Variants in RACGAP1 observed in about 807,000 individuals in gnomAD.
The protein encoded by RACGAP1 is rac GTPase-activating protein 1.
RACGAP1 carries 30 observed loss-of-function variants against 78.1 expected under a neutral mutation model. The observed-to-expected ratio is 0.38, with a 90% confidence interval of 0.29 to 0.52. The LOEUF (loss-of-function observed/expected upper bound fraction) is 0.52. Among genes scored for constraint, RACGAP1 ranks in the 20% least tolerant of loss-of-function variants. The pLI, the probability that RACGAP1 is intolerant of heterozygous loss-of-function variation, is 0.82. For missense variants in RACGAP1, 587 were observed against 777.1 expected (o/e 0.76, Z 2.91); for synonymous variants, 231 against 264.8 (o/e 0.87, Z 1.24).
chr12:49,993,725 C>T (rs370007871), intron 12 of RACGAP1, among the ~76,000 whole-genome samples: 5 of 135,680 alleles, frequency 3.7e-5, no homozygotes, highest in Non-Finnish European at 6.2e-5. Context: ...CCAGCCTGGG[C>T]GACAGAGAAA....
chr12:50,029,675 C>T (rs569510368), upstream of RACGAP1, among the ~76,000 whole-genome samples: 26 of 152,218 alleles, frequency 1.7e-4, no homozygotes, highest in African/African-American at 6.0e-4. Flanking sequence ...GGGCAGATCA[C>T]GAGGTCAGGA....
chr12:50,018,629 A>AT (rs1949815281), intron 1 of RACGAP1: 12 of 1,123,036 alleles, frequency 1.1e-5, no homozygotes, highest in Non-Finnish European at 1.4e-5. Context: ...TAGTTTTAAT[A>AT]TAAGGTATTA....
chr12:50,014,700 G>A (rs976182709), intron 2 of RACGAP1, among the ~76,000 whole-genome samples: 6 of 151,954 alleles, frequency 3.9e-5, no homozygotes, highest in Non-Finnish European at 7.4e-5. Flanking sequence ...GGGATCACAG[G>A]AGCATGCCAC....
At chr12:49,993,848 A>T (rs1233543654) in intron 12 of RACGAP1, among the ~76,000 whole-genome samples, 1 of 151,766 alleles carries the variant, frequency 6.6e-6, no homozygotes, top group Non-Finnish European at 1.5e-5. Flanking sequence ...GATCGAGACC[A>T]TCCTGGCTAA....
Position 49,990,009 on chromosome 12 carries a change from T to C in RACGAP1, c.*259A>G. On this transcript the variant is annotated 3_prime_UTR_variant, in exon 17 of 17. Transcript: ENST00000312377. ...AAAAGAATCACAACCAATTCCATAC[T>C]AACCCTTCTACCCCTGGAAAGATGT... is the stretch of plus-strand genomic sequence containing the variant. 1 of 391,756 alleles carries C rather than the reference T, an allele frequency of 2.6e-6. No individual in the cohort carries two copies. 24.3% of individuals were successfully genotyped at this position (391,756 alleles called of 1,614,324 possible).
Position 49,997,040 on chromosome 12 carries a change from C to A in RACGAP1, c.1044G>T (p.Glu348Asp). The change falls in exon 10 of 17, where the codon GAG becomes GAT. Residue 348 changes from glutamate to aspartate, a missense_variant and splice_region_variant. Physicochemically the swap from Glu to Asp is conservative, Grantham distance 45 (BLOSUM62 2). Transcript: ENST00000312377. ...CAATGACGGCTTGCATAAGTCATAC[C>A]TCTCCAATCTTGACAGGTGTTCCTA... ...TLIGTPVKIG[E>D]GMLADFVSQT... 6.6e-7 allele frequency: 1 copy of A among 1,517,462 alleles called. No individual in the cohort carries two copies. The allele number at this position is 1,517,462 out of a possible 1,614,324, so 94.0% of individuals were successfully genotyped here.
chr12:50,007,939 T>C (rs1403249256), intron 2 of RACGAP1, among the ~76,000 whole-genome samples: 1 of 150,894 alleles, frequency 6.6e-6, no homozygotes, highest in Non-Finnish European at 1.5e-5. Flanking sequence ...AAAACATATA[T>C]GTTTGCAAAC....
upstream of RACGAP1, among the ~76,000 whole-genome samples, chr12:50,027,987 A>G (rs1035625004): frequency 9.9e-5 from 15 of 152,166 alleles, no homozygotes; most frequent in Non-Finnish European, 1.5e-4. Flanking sequence ...GAGACTGGCA[A>G]AGTAGGATGA....
At chr12:50,019,157 C>T (rs925136254) in intron 1 of RACGAP1, among the ~76,000 whole-genome samples, 1 of 152,130 alleles carries the variant, frequency 6.6e-6, no homozygotes, top group African/African-American at 2.4e-5. Flanking sequence ...CTTGTGTACT[C>T]TTCTCTCATG....
chr12:50,016,750 C>T lies in RACGAP1; in HGVS notation c.-4-31G>A, dbSNP rs2291612. 0.08 allele frequency: 128,330 copies of T among 1,602,148 alleles called. 6,010 individuals carry two copies. Among genetic ancestry groups the T allele is most frequent in the South Asian group, 0.16 (14,377 of 90,314 alleles). On this transcript the variant is annotated intron_variant, in intron 1 of 16. Coordinates refer to ENST00000312377, the MANE Select transcript of RACGAP1 (RefSeq NM_001319999.2). Reference sequence around the variant, plus strand: ...AAGAAATCAAATATACATTAGGGGTCCTGCCTTCTCGCCCACAACAAAAGA... The same window carrying T: ...AAGAAATCAAATATACATTAGGGGTTCTGCCTTCTCGCCCACAACAAAAGA...
At position 49,989,453 on chromosome 12, in the gene RACGAP1, G is replaced by C. The variant is rs546174464; in HGVS notation, c.*815C>G. On this transcript the variant is annotated 3_prime_UTR_variant, in exon 17 of 17. Coordinates refer to ENST00000312377, the MANE Select transcript of RACGAP1 (RefSeq NM_001319999.2). ...CTTTATTGTTAGTTGGGATGCCAAAGGATGATATATTGACCTTTAGAAGTT... is the reference window on the plus strand; with the variant it reads ...CTTTATTGTTAGTTGGGATGCCAAACGATGATATATTGACCTTTAGAAGTT... 1.3e-5 allele frequency: 2 copies of C among 152,238 alleles called. No individual in the cohort carries two copies. The highest frequency in any genetic ancestry group is 4.8e-5 in the African/African-American group (2 of 41,538). 9.4% of individuals were successfully genotyped at this position (152,238 alleles called of 1,614,324 possible). A position where few individuals can be genotyped will look rare whatever the true frequency, so the allele number is the denominator to read the frequency against.
intron 1 of RACGAP1, chr12:50,018,610 T>C: frequency 8.1e-7 from 1 of 1,240,568 alleles, no homozygotes; most frequent in Non-Finnish European, 1.1e-6. Flanking sequence ...AATGGAAGAC[T>C]CTAATCAGTA....
intron 1 of RACGAP1, chr12:50,018,572 T>C (rs1483260110): frequency 7.8e-7 from 1 of 1,288,720 alleles, no homozygotes; most frequent in Admixed American, 2.3e-5. Flanking sequence ...ATTCAAATGT[T>C]GATTTCCTTT....
At chr12:50,000,208 T>A (rs1239889329) in intron 7 of RACGAP1, among the ~76,000 whole-genome samples, 1 of 151,980 alleles carries the variant, frequency 6.6e-6, no homozygotes, top group African/African-American at 2.4e-5. Context: ...AGAGATGGGG[T>A]TTCACTGTGT....
At chr12:49,994,960 T>G (rs1238429127) in intron 10 of RACGAP1, among the ~76,000 whole-genome samples, 1 of 152,072 alleles carries the variant, frequency 6.6e-6, no homozygotes, top group African/African-American at 2.4e-5. Context: ...GTAAAAAAAA[T>G]TATTTAACAT....
At chr12:49,990,874 C>A in intron 15 of RACGAP1, 82 bp from the exon 16 acceptor site, 1 of 1,016,804 alleles carries the variant, frequency 9.8e-7, no homozygotes, top group East Asian at 2.5e-5. Flanking sequence ...GCTGATTACC[C>A]TCTGAAGCAC....
intron 2 of RACGAP1, among the ~76,000 whole-genome samples, chr12:50,014,322 A>T (rs981546290): frequency 2.0e-5 from 3 of 152,186 alleles, no homozygotes; most frequent in Non-Finnish European, 2.9e-5. Context: ...CATCATCCCC[A>T]TTATTCTTTC....
chr12:49,991,473 ATATATATTTTTT>A (rs1244747093), intron 15 of RACGAP1, among the ~76,000 whole-genome samples: 34 of 30,382 alleles, frequency 1.1e-3, no homozygotes, highest in Middle Eastern at 8.9e-3. Context: ...ATATATATAT[ATATATATTTTTT>A]TTTTTTTTTT....
intron 1 of RACGAP1, among the ~76,000 whole-genome samples, chr12:50,024,885 A>G (rs1950203204): frequency 6.6e-6 from 1 of 152,026 alleles, no homozygotes; most frequent in Non-Finnish European, 1.5e-5. Context: ...AATGTACGTG[A>G]AAGTGTACAA....
Sources: gnomAD v4.1 joint callset for allele counts (sites outside exome capture counted in the v4.1 genomes callset) on GRCh38, gnomAD v4.1.1 for gene constraint, MANE v1.5 for transcripts, NCBI Gene and HGNC (gene_info 2026-07-23, HGNC 2026-07-21) for gene names.